Variants in STK32C observed in about 807,000 individuals in gnomAD.
STK32C encodes the protein serine/threonine-protein kinase 32C.
STK32C carries 31 observed loss-of-function variants against 56.5 expected under a neutral mutation model. That is an observed-to-expected ratio of 0.55 (90% CI 0.41 to 0.74). The LOEUF is 0.74. Ranked by LOEUF, STK32C falls within the 30% of genes least tolerant of loss-of-function variation. The pLI, the probability that STK32C is intolerant of heterozygous loss-of-function variation, is 0.00. For synonymous variants in STK32C, 309 were observed against 289.4 expected, an observed-to-expected ratio of 1.07 and a Z score of -0.69; for missense variants, 544 against 676.9, an observed-to-expected ratio of 0.80 and a Z score of 2.18.
In STK32C at chr10:132,297,870, C is replaced by T. The variant is rs563433675; in HGVS notation, c.262+9702G>A. 4.6e-5 allele frequency among the ~76,000 whole-genome samples: 7 copies of T among 152,362 alleles called. No homozygotes were observed. The East Asian group carries it at 1.4e-3, about 29-fold the overall frequency. On this transcript the variant is annotated intron_variant, in intron 1 of 11. Coordinates refer to ENST00000298630, the MANE Select transcript of STK32C (RefSeq NM_173575.4). ...AACTCAGGAAGATGTTGACTCCACT[C>T]CAACTTCCTGTTTGTTTGTTCTCAA...
intron 2 of STK32C, among the ~76,000 whole-genome samples, chr10:132,238,008 C>T (rs997736522): frequency 5.9e-5 from 9 of 152,184 alleles, no homozygotes; most frequent in Non-Finnish European, 1.2e-4. Context: ...CTGGAGCCCC[C>T]GAGACTCTCC....
chr10:132,240,589 C>A (rs927402990), intron 2 of STK32C, among the ~76,000 whole-genome samples: 9 of 152,182 alleles, frequency 5.9e-5, no homozygotes, highest in Non-Finnish European at 1.0e-4. Flanking sequence ...ACTGCAAGGA[C>A]AGGCGGTTCC....
intron 1 of STK32C, among the ~76,000 whole-genome samples, chr10:132,331,071 C>G (rs7079161): frequency 0.36 from 54,201 of 150,394 alleles, 9,966 homozygotes; most frequent in Non-Finnish European, 0.4. Flanking sequence ...CGTGGTGGCG[C>G]GCGCCTGTAG....
intron 1 of STK32C, among the ~76,000 whole-genome samples, chr10:132,314,219 C>T (rs904759698): frequency 4.6e-5 from 7 of 152,336 alleles, no homozygotes; most frequent in Non-Finnish European, 8.8e-5. Flanking sequence ...GAACTAATAA[C>T]ACTCTGCCTG....
At position 132,307,725 on chromosome 10, in the gene STK32C, GCGGCAGGGCCGAGGGCGCGTCGGAGC is replaced by G; in HGVS notation, c.83_108del (p.Gly28AlafsTer47). On this transcript the variant is annotated frameshift_variant, in exon 1 of 12. Coordinates refer to ENST00000298630, the MANE Select transcript of STK32C (RefSeq NM_173575.4). LOFTEE classifies it high-confidence loss of function. This position sits in a 1 kb window ranked among gnomAD's most constrained non-coding sequence, Gnocchi z 4.4. ...GCCCGGGGCTGGCCAGCAGCGGGCG[GCGGCAGGGCCGAGGGCGCGTCGGAGC>G]CGGCGGGGCGCGCGCGGCCGGGGGG... The G allele has an allele frequency of 8.0e-7, 1 of 1,249,540 alleles. No individual in the cohort carries two copies. The highest frequency in any genetic ancestry group is 2.5e-5 in the South Asian group (1 of 40,298). 77.4% of individuals were successfully genotyped at this position (1,249,540 alleles called of 1,614,324 possible).
At chr10:132,210,975 C>CCA (rs760697611) in intron 10 of STK32C, among the ~76,000 whole-genome samples, 6 of 152,210 alleles carry the variant, frequency 3.9e-5, no homozygotes, top group Non-Finnish European at 8.8e-5. Flanking sequence ...GTGTGAGCGG[C>CCA]CAGCACCTTG....
Position 132,255,002 on chromosome 10 carries a change from G to A in STK32C, c.263-9047C>T, listed in dbSNP as rs1057152250. Among the ~76,000 whole-genome samples the A allele has an allele frequency of 2.0e-5, 3 of 152,056 alleles. No homozygotes were observed. The highest frequency in any genetic ancestry group is 2.9e-5 in the Non-Finnish European group (2 of 68,010). ...CACCCCACCCACTCATCCGGAAGAG[G>A]CCCCCACGTCCAAGTGTCCTCAGGC... On this transcript the variant is annotated intron_variant, in intron 1 of 11. Coordinates refer to ENST00000298630, the MANE Select transcript of STK32C (RefSeq NM_173575.4). This position sits in a 1 kb window ranked among gnomAD's most constrained non-coding sequence, Gnocchi z 4.6.
intron 1 of STK32C, among the ~76,000 whole-genome samples, chr10:132,289,208 G>A (rs923414520): frequency 1.1e-4 from 16 of 152,168 alleles, no homozygotes; most frequent in Non-Finnish European, 2.1e-4. Context: ...GGAGTAAATG[G>A]ATATCCACAT....
intron 1 of STK32C, among the ~76,000 whole-genome samples, chr10:132,268,796 C>CAT (rs1415230811): frequency 1.1e-5 from 1 of 95,010 alleles, no homozygotes; most frequent in Non-Finnish European, 2.0e-5. Flanking sequence ...TGTCCCACAT[C>CAT]GTGTGTGTGT....
chr10:132,251,351 C>G (rs904332762), intron 1 of STK32C, among the ~76,000 whole-genome samples: 3 of 152,206 alleles, frequency 2.0e-5, no homozygotes, highest in African/African-American at 7.2e-5. Flanking sequence ...CAGCCCTGGT[C>G]ACCGAGGAAG....
chr10:132,238,780 T>C (rs1253051541), intron 2 of STK32C, among the ~76,000 whole-genome samples: 2 of 151,994 alleles, frequency 1.3e-5, no homozygotes, highest in African/African-American at 4.8e-5. Flanking sequence ...GTGCAATGCA[T>C]GCACACACAC....
At position 132,271,986 on chromosome 10, in the gene STK32C, T is replaced by C. The variant is rs933590106; in HGVS notation, c.263-26031A>G. Among the ~76,000 whole-genome samples the C allele has an allele frequency of 6.6e-5, 10 of 152,316 alleles. No individual in the cohort carries two copies. The South Asian group carries it at 1.2e-3, about 19-fold the overall frequency. ...GGCGGGGCAAGGCCCCTACCCTGAATGCATGTCTAGCTTCTCTCCAGCTCA... is the reference window on the plus strand; with the variant it reads ...GGCGGGGCAAGGCCCCTACCCTGAACGCATGTCTAGCTTCTCTCCAGCTCA... On this transcript the variant is annotated intron_variant, in intron 1 of 11. Transcript: ENST00000298630.
chr10:132,212,937 G>A (rs1330831608), intron 10 of STK32C, among the ~76,000 whole-genome samples: 1 of 152,250 alleles, frequency 6.6e-6, no homozygotes, highest in African/African-American at 2.4e-5. Context: ...CAGAACTGAT[G>A]GTGTGTGGGA....
chr10:132,309,406 A>C (rs1010034336), upstream of STK32C, among the ~76,000 whole-genome samples: 5 of 152,146 alleles, frequency 3.3e-5, no homozygotes, highest in African/African-American at 1.2e-4. Context: ...GCACCCGCTT[A>C]GGACACATGG....
chr10:132,265,974 C>T (rs1049138384), intron 1 of STK32C, among the ~76,000 whole-genome samples: 3 of 152,162 alleles, frequency 2.0e-5, no homozygotes, highest in South Asian at 2.1e-4. Flanking sequence ...CTGTGCCACC[C>T]GGCAATTCCA....
intron 2 of STK32C, among the ~76,000 whole-genome samples, chr10:132,238,949 G>T (rs1218572420): frequency 6.6e-6 from 1 of 152,210 alleles, no homozygotes; most frequent in East Asian, 1.9e-4. Context: ...CAGTGCCGGG[G>T]TGACTGTCCA....
chr10:132,269,103 T>TTGTG (rs2064724365), intron 1 of STK32C, among the ~76,000 whole-genome samples: 1 of 150,068 alleles, frequency 6.7e-6, no homozygotes, highest in South Asian at 2.1e-4. Flanking sequence ...GTGCGTCACA[T>TTGTG]CGTGTGTGTG....
chr10:132,223,125 G>A lies in STK32C; in HGVS notation c.994-139C>T, dbSNP rs563294675. ...GAATTCAGGAACCTCAGGGCCACGCGAGGAAGGGTGGTGCCGACGGCCGAC... is the reference window on the plus strand; with the variant it reads ...GAATTCAGGAACCTCAGGGCCACGCAAGGAAGGGTGGTGCCGACGGCCGAC... On this transcript the variant is annotated intron_variant, in intron 8 of 11. Transcript: ENST00000298630. 1.4e-5 allele frequency: 17 copies of A among 1,191,126 alleles called. No individual in the cohort carries two copies. The East Asian group carries it at 2.1e-4, about 14-fold the overall frequency. 73.8% of individuals were successfully genotyped at this position (1,191,126 alleles called of 1,614,324 possible).
rs533236369 is a variant in STK32C at position 132,292,825 on chromosome 10, G to C, written c.262+14747C>G. Among the ~76,000 whole-genome samples, 4 of 152,234 alleles carry C rather than the reference G, an allele frequency of 2.6e-5. No homozygotes were observed. In the South Asian group the frequency reaches 8.3e-4, roughly 32 times the overall value. ...AAGAAAGGTGTGAGGGAGGGCATCA[G>C]ATTGCCAACCTCTCACCCTCTGGAG... On this transcript the variant is annotated intron_variant, in intron 1 of 11. Coordinates refer to ENST00000298630, the MANE Select transcript of STK32C (RefSeq NM_173575.4).
Sources: gnomAD v4.1 joint callset for allele counts (sites outside exome capture counted in the v4.1 genomes callset) on GRCh38, gnomAD v4.1.1 for gene constraint, Gnocchi (gnomAD v3.1) non-coding constraint, MANE v1.5 for transcripts, NCBI Gene and HGNC (gene_info 2026-07-23, HGNC 2026-07-21) for gene names.